Variants in TTC28 observed in about 807,000 individuals in gnomAD.
TTC28 encodes the protein tetratricopeptide repeat domain 28, also known as tetratricopeptide repeat protein 28.
Under a neutral mutation model 198.0 loss-of-function variants are expected in TTC28, and 61 were observed. The ratio of observed to expected loss-of-function variants is 0.31; its 90% confidence interval spans 0.25 to 0.38. The LOEUF (loss-of-function observed/expected upper bound fraction) is 0.38, where lower values mean the gene tolerates loss of function less well. Ranked by LOEUF, TTC28 falls within the 10% of genes least tolerant of loss-of-function variation. TTC28 has a pLI of 1.00. For synonymous variants in TTC28, 1,171 were observed against 1,297.8 expected, an observed-to-expected ratio of 0.90 and a Z score of 2.10; for missense variants, 2,678 against 3,164.0, an observed-to-expected ratio of 0.85 and a Z score of 3.69.
At chr22:28,168,338 A>C (rs1165691669) in intron 5 of TTC28, among the ~76,000 whole-genome samples, 1 of 152,182 alleles carries the variant, frequency 6.6e-6, no homozygotes. Flanking sequence ...GTTCATATGG[A>C]ACCAAAAAAG....
intron 2 of TTC28, among the ~76,000 whole-genome samples, chr22:28,371,611 T>TTTTTTTTTTTTTTTTTTTTTTTTTTTTG (rs1569288638): frequency 1.0e-5 from 1 of 99,590 alleles, no homozygotes; most frequent in Non-Finnish European, 2.0e-5. Context: ...TTTTTTTTTT[T>TTTTTTTTTTTTTTTTTTTTTTTTTTTTG]TGAGACAGAG....
At chr22:27,990,029 G>T in intron 20 of TTC28, 22 bp from the exon 21 acceptor site, 1 of 1,545,234 alleles carries the variant, frequency 6.5e-7, no homozygotes, top group South Asian at 1.2e-5. Flanking sequence ...GGGACAGCGT[G>T]AGCACCCTGT....
intron 3 of TTC28, among the ~76,000 whole-genome samples, chr22:28,305,925 T>A (rs1051407836): frequency 6.6e-6 from 1 of 152,202 alleles, no homozygotes; most frequent in Non-Finnish European, 1.5e-5. Context: ...AAAGTAGAAG[T>A]AAGAACAGGC....
intron 2 of TTC28, among the ~76,000 whole-genome samples, chr22:28,338,592 T>C (rs1429649720): frequency 6.6e-6 from 1 of 152,220 alleles, no homozygotes; most frequent in Non-Finnish European, 1.5e-5. Flanking sequence ...ATTCATTTGA[T>C]CTTCCATCCC....
intron 5 of TTC28, among the ~76,000 whole-genome samples, chr22:28,243,846 C>A (rs1422891445): frequency 6.6e-6 from 1 of 152,124 alleles, no homozygotes; most frequent in East Asian, 1.9e-4. Context: ...TCCTTGAACA[C>A]AGACAGTTCA....
rs141473139 is a variant in TTC28, at chr22:28,175,590, G to A, written c.934-11991C>T. Among the ~76,000 whole-genome samples, 319 of 151,810 alleles carry A rather than the reference G, an allele frequency of 2.1e-3. 1 individual carries two copies. Among genetic ancestry groups the A allele is most frequent in the African/African-American group, 6.7e-3 (278 of 41,404 alleles). ...CTACTAAAAATACAAAAAATTATCC[G>A]GGCACGGTGGTGCATGCCTGTAATC... is the stretch of plus-strand genomic sequence containing the variant. On this transcript the variant is annotated intron_variant, in intron 5 of 22. Transcript: ENST00000397906.
At chr22:27,991,249 C>A (rs950837022) in intron 19 of TTC28, among the ~76,000 whole-genome samples, 2 of 152,188 alleles carry the variant, frequency 1.3e-5, no homozygotes, top group African/African-American at 4.8e-5. Context: ...CCATCAAAAG[C>A]AAGAAATTAA....
chr22:28,588,504 A>G (rs976961968), intron 2 of TTC28, among the ~76,000 whole-genome samples: 2 of 152,230 alleles, frequency 1.3e-5, no homozygotes, highest in Admixed American at 6.5e-5. Context: ...GTGTCTCCAC[A>G]GAGAAATGGG....
chr22:28,602,695 T>C (rs1025680662), intron 2 of TTC28, among the ~76,000 whole-genome samples: 1 of 152,156 alleles, frequency 6.6e-6, no homozygotes, highest in African/African-American at 2.4e-5. Context: ...AATTTTAAAA[T>C]ATACCAATAA....
intron 2 of TTC28, among the ~76,000 whole-genome samples, chr22:28,417,117 G>A (rs770082376): frequency 3.3e-5 from 5 of 151,686 alleles, no homozygotes; most frequent in Non-Finnish European, 7.4e-5. Context: ...GTTGAGGCAC[G>A]GTGACTCACA....
At chr22:28,610,116 T>C (rs2050795947) in intron 2 of TTC28, among the ~76,000 whole-genome samples, 1 of 152,182 alleles carries the variant, frequency 6.6e-6, no homozygotes, top group Admixed American at 6.5e-5. Context: ...AACCCCCATC[T>C]TCCTGGGACA....
At chr22:28,253,935 T>C (rs1456651317) in intron 5 of TTC28, among the ~76,000 whole-genome samples, 2 of 151,970 alleles carry the variant, frequency 1.3e-5, no homozygotes, top group Non-Finnish European at 2.9e-5. Flanking sequence ...TGAAACTTTG[T>C]CTCTACTAAA....
Position 28,297,867 on chromosome 22 carries a change from CAAT to C in TTC28, c.530-18_530-16del. On this transcript the variant is annotated splice_polypyrimidine_tract_variant and intron_variant, in intron 3 of 22. Transcript: ENST00000397906. ...CTCGAGGGAGTCTGAAAATAAACAACAATAACAGCAACATAACAGGAGAATGTA... is the reference window on the plus strand; with the variant it reads ...CTCGAGGGAGTCTGAAAATAAACAACAACAGCAACATAACAGGAGAATGTA... 6.5e-7 allele frequency: 1 copy of C among 1,549,654 alleles called. No individual in the cohort carries two copies. The highest frequency in any genetic ancestry group is 1.2e-5 in the South Asian group (1 of 83,992).
intron 6 of TTC28, 84 bp from the exon 7 acceptor site, chr22:28,108,487 A>C: frequency 8.2e-7 from 1 of 1,226,106 alleles, no homozygotes; most frequent in Non-Finnish European, 1.1e-6. Context: ...ATCTCAATTT[A>C]TAGTAAAATG....
At chr22:28,031,826 C>T (rs1393253598) in intron 12 of TTC28, among the ~76,000 whole-genome samples, 1 of 152,144 alleles carries the variant, frequency 6.6e-6, no homozygotes, top group Non-Finnish European at 1.5e-5. Context: ...ACCATTTAAG[C>T]TCGCAGACTG....
chr22:28,488,900 G>A (rs879755386), intron 2 of TTC28, among the ~76,000 whole-genome samples: 1 of 152,116 alleles, frequency 6.6e-6, no homozygotes, highest in East Asian at 1.9e-4. Flanking sequence ...ATGAGCAAGA[G>A]ACAGAATAAA....
chr22:28,111,806 G>A (rs1042340411), intron 6 of TTC28, among the ~76,000 whole-genome samples: 2 of 152,072 alleles, frequency 1.3e-5, no homozygotes, highest in African/African-American at 4.8e-5. Context: ...CTAAGATGGG[G>A]GTAAGAGGAA....
chr22:28,275,871 G>A (rs1226974145), intron 5 of TTC28, among the ~76,000 whole-genome samples: 2 of 152,108 alleles, frequency 1.3e-5, no homozygotes, highest in Non-Finnish European at 2.9e-5. Flanking sequence ...GGTAAGTTTG[G>A]TTTCCAAAGG....
At chr22:28,444,717 C>T (rs2047677533) in intron 2 of TTC28, among the ~76,000 whole-genome samples, 1 of 152,184 alleles carries the variant, frequency 6.6e-6, no homozygotes, top group African/African-American at 2.4e-5. Context: ...AATGACCCTA[C>T]TAGAGCTTAT....
Sources: allele counts gnomAD v4.1 joint callset (sites outside exome capture counted in the v4.1 genomes callset), GRCh38; gene constraint gnomAD v4.1.1; transcripts MANE v1.5; gene names NCBI Gene and HGNC (gene_info 2026-07-23, HGNC 2026-07-21).